The following ITGA9 variants were observed in gnomAD, a reference collection of about 807,000 sequenced individuals.
ITGA9 encodes the protein integrin subunit alpha 9.
ITGA9 carries 56 observed loss-of-function variants against 127.8 expected under a neutral mutation model. The ratio of observed to expected loss-of-function variants is 0.44; its 90% CI spans 0.35 to 0.55. ITGA9 has a LOEUF of 0.55. Among genes scored for constraint, ITGA9 ranks in the 20% least tolerant of loss-of-function variants. The probability of loss-of-function intolerance (pLI) is 0.00; values close to 1 mark genes in which losing one functional copy is unlikely to be tolerated. For synonymous variants in ITGA9, 508 were observed against 514.5 expected (o/e 0.99, Z 0.17); for missense variants, 1,196 against 1,347.1 (o/e 0.89, Z 1.76).
intron 18 of ITGA9, among the ~76,000 whole-genome samples, chr3:37,729,559 G>C (rs1696260585): frequency 6.6e-6 from 1 of 152,192 alleles, no homozygotes; most frequent in Admixed American, 6.5e-5. Flanking sequence ...AGCAGCTTTT[G>C]AATGATCAAA....
At position 37,513,908 on chromosome 3, in the gene ITGA9, C is replaced by T. The variant is rs1181604093; in HGVS notation, c.1035+8C>T. The T allele has an allele frequency of 3.1e-6, 5 of 1,612,660 alleles. No individual in the cohort carries two copies. The Admixed American group carries it at 5.0e-5, about 16-fold the overall frequency. On this transcript the variant is annotated splice_region_variant and intron_variant, in intron 9 of 27. Coordinates refer to ENST00000264741, the MANE Select transcript of ITGA9 (RefSeq NM_002207.3). ...TACATCAACAGAGGAAATGTGAGTA[C>T]AATACTGGGCAATGTGCGGATGGGT...
intron 17 of ITGA9, among the ~76,000 whole-genome samples, chr3:37,671,111 C>T (rs1050833250): frequency 2.6e-5 from 4 of 152,370 alleles, no homozygotes; most frequent in South Asian, 2.1e-4. Flanking sequence ...ATTGGACCTC[C>T]GAGCAGCCTG....
rs79123565 is a variant in ITGA9, at chr3:37,566,952, T to A, written c.1689+24367T>A. ...AGTCATGTGACATTCCATGTTGATG[T>A]AGTTGCCAAAATGCTCGCCTTCCTG... On this transcript the variant is annotated intron_variant, in intron 15 of 27. Coordinates refer to ENST00000264741, the MANE Select transcript of ITGA9 (RefSeq NM_002207.3). Among the ~76,000 whole-genome samples, 354 of 152,296 alleles carry A rather than the reference T, an allele frequency of 2.3e-3. 3 individuals carry two copies. Among genetic ancestry groups the A allele is most frequent in the African/African-American group, 8.2e-3 (339 of 41,556 alleles).
At chr3:37,723,718 G>C (rs1701215971) in intron 18 of ITGA9, among the ~76,000 whole-genome samples, 1 of 152,198 alleles carries the variant, frequency 6.6e-6, no homozygotes, top group African/African-American at 2.4e-5. Flanking sequence ...CGTGTAGGCT[G>C]CATGTGCTGC....
At chr3:37,463,528 G>A (rs1243705558) in intron 1 of ITGA9, among the ~76,000 whole-genome samples, 1 of 152,116 alleles carries the variant, frequency 6.6e-6, no homozygotes, top group Non-Finnish European at 1.5e-5. Flanking sequence ...GGTTGGGTAG[G>A]GTACCAACAG....
Position 37,517,623 on chromosome 3 carries a change from C to T in ITGA9, c.1141+14C>T. The T allele has an allele frequency of 6.5e-7, 1 of 1,545,888 alleles. No individual in the cohort carries two copies. The highest frequency in any genetic ancestry group is 1.8e-4 in the Middle Eastern group (1 of 5,432). On this transcript the variant is annotated intron_variant, in intron 10 of 27. Coordinates refer to ENST00000264741, the MANE Select transcript of ITGA9 (RefSeq NM_002207.3). ...ATGGGTTCCCAGGTGAGTGAGTGCT[C>T]CTGGTGCACGGAGCCCCTCCAGGTG...
At chr3:37,474,326 A>G (rs1051538644) in intron 3 of ITGA9, among the ~76,000 whole-genome samples, 1 of 152,224 alleles carries the variant, frequency 6.6e-6, no homozygotes, top group African/African-American at 2.4e-5. Flanking sequence ...AGCCACATTT[A>G]AGTGGCTCAA....
At chr3:37,585,670 C>G (rs769309230) in intron 15 of ITGA9, 2 of 513,158 alleles carry the variant, frequency 3.9e-6, no homozygotes, top group Non-Finnish European at 7.8e-6. Flanking sequence ...AGTCTCAACA[C>G]AAGGAAACTA....
At chr3:37,740,925 G>A (rs141360208) in intron 20 of ITGA9, among the ~76,000 whole-genome samples, 33 of 152,254 alleles carry the variant, frequency 2.2e-4, no homozygotes, top group Middle Eastern at 3.4e-3. Context: ...GGTCTATAGC[G>A]AGAGCTTCCA....
At chr3:37,538,796 T>C (rs575354762) in intron 14 of ITGA9, among the ~76,000 whole-genome samples, 3 of 152,350 alleles carry the variant, frequency 2.0e-5, no homozygotes, top group Admixed American at 1.3e-4. Flanking sequence ...CTTGCTTTCT[T>C]CTAGAGGAGA....
In ITGA9 at chr3:37,785,144, G is replaced by A. The variant is rs534912004; in HGVS notation, c.2889+66G>A. Reference sequence around the variant, plus strand: ...GGGAAGCTGGGTGACTTGGAGACCTGGAGCTGGAATTTGAGGGTCAAGACA... The same window carrying A: ...GGGAAGCTGGGTGACTTGGAGACCTAGAGCTGGAATTTGAGGGTCAAGACA... On this transcript the variant is annotated intron_variant, in intron 26 of 27. Transcript: ENST00000264741. 1.3e-4 allele frequency: 152 copies of A among 1,139,382 alleles called. 1 individual carries two copies. In the African/African-American group the frequency reaches 2.2e-3, roughly 16 times the overall value. 70.6% of individuals were successfully genotyped at this position (1,139,382 alleles called of 1,614,324 possible).
At chr3:37,794,212 G>A (rs894080634) in intron 26 of ITGA9, among the ~76,000 whole-genome samples, 1 of 152,202 alleles carries the variant, frequency 6.6e-6, no homozygotes, top group Non-Finnish European at 1.5e-5. Context: ...TGGAACAGAG[G>A]CTCCGGGAGT....
intron 15 of ITGA9, among the ~76,000 whole-genome samples, chr3:37,613,811 G>A (rs1386252520): frequency 6.6e-6 from 1 of 152,192 alleles, no homozygotes; most frequent in African/African-American, 2.4e-5. Flanking sequence ...TGATGGGGTT[G>A]TTTGTTTTCT....
At chr3:37,465,524 G>A (rs1016857404) in intron 1 of ITGA9, among the ~76,000 whole-genome samples, 1 of 152,216 alleles carries the variant, frequency 6.6e-6, no homozygotes, top group African/African-American at 2.4e-5. Flanking sequence ...ATGAGAGGCT[G>A]CCTGACAGGA....
At chr3:37,510,026 T>TTTTA (rs1253689689) in intron 8 of ITGA9, among the ~76,000 whole-genome samples, 1 of 146,030 alleles carries the variant, frequency 6.8e-6, no homozygotes, top group African/African-American at 2.5e-5. Flanking sequence ...AAGGATTCCT[T>TTTTA]TTTTTTTTTT....
At chr3:37,527,236 A>G (rs74786716) in intron 13 of ITGA9, among the ~76,000 whole-genome samples, 8,513 of 152,338 alleles carry the variant, frequency 0.056, 283 homozygotes, top group East Asian at 0.094. Flanking sequence ...ATCCAGATGT[A>G]GCCTCATGGT....
At chr3:37,538,454 A>G (rs1699233218) in intron 14 of ITGA9, among the ~76,000 whole-genome samples, 1 of 152,242 alleles carries the variant, frequency 6.6e-6, no homozygotes, top group Non-Finnish European at 1.5e-5. Flanking sequence ...ACAAGCTGCC[A>G]GAAGGAAAAA....
At chr3:37,709,355 A>G (rs1178073114) in intron 18 of ITGA9, among the ~76,000 whole-genome samples, 1 of 152,180 alleles carries the variant, frequency 6.6e-6, no homozygotes, top group Non-Finnish European at 1.5e-5. Context: ...TCAAGCATTC[A>G]TCCATCTGGG....
chr3:37,762,802 A>T (rs527331491), intron 23 of ITGA9, among the ~76,000 whole-genome samples: 3 of 152,340 alleles, frequency 2.0e-5, no homozygotes, highest in East Asian at 3.9e-4. Context: ...GTAGCTGTCC[A>T]GCAGCTCTAG....
Sources: allele counts gnomAD v4.1 joint callset (sites outside exome capture counted in the v4.1 genomes callset), GRCh38; gene constraint gnomAD v4.1.1; transcripts MANE v1.5; gene names NCBI Gene and HGNC (gene_info 2026-07-23, HGNC 2026-07-21).